The following GRIN2B variants were observed in gnomAD, a reference collection of about 807,000 sequenced individuals.
GRIN2B encodes glutamate ionotropic receptor NMDA type subunit 2B.
A neutral mutation model predicts 114.5 loss-of-function variants in GRIN2B; 5 were observed. The ratio of observed to expected loss-of-function variants is 0.04; its 90% CI spans 0.02 to 0.09. The LOEUF is 0.09. Ranked by LOEUF, GRIN2B falls within the 10% of genes least tolerant of loss-of-function variation. GRIN2B has a pLI of 1.00. For missense variants in GRIN2B, 1,108 were observed against 1,943.5 expected (o/e 0.57, Z 8.08); for synonymous variants, 787 against 745.1 (o/e 1.06, Z -0.92).
intron 3 of GRIN2B, among the ~76,000 whole-genome samples, chr12:13,856,140 G>C (rs142091240): frequency 2.0e-5 from 3 of 152,296 alleles, no homozygotes; most frequent in East Asian, 3.9e-4. Flanking sequence ...CTATAAAGTG[G>C]ACAAGGGGTG....
intron 2 of GRIN2B, among the ~76,000 whole-genome samples, chr12:13,933,204 T>C (rs1220274329): frequency 1.3e-5 from 2 of 152,164 alleles, no homozygotes; most frequent in African/African-American, 2.4e-5. Flanking sequence ...CCACCACCTC[T>C]GCAAATAGTA....
In GRIN2B at chr12:13,629,842, C is replaced by A. The variant is rs143202614; in HGVS notation, c.1126-13185G>T. 6.0e-3 allele frequency among the ~76,000 whole-genome samples: 909 copies of A among 152,274 alleles called. 11 individuals carry two copies. The highest frequency in any genetic ancestry group is 0.02 in the African/African-American group (848 of 41,566). On this transcript the variant is annotated intron_variant, in intron 5 of 13. Coordinates refer to ENST00000609686, the MANE Select transcript of GRIN2B (RefSeq NM_000834.5). ...TCCTCTATTTTAAACCCCTGGTCTT[C>A]TGAATGACACAGCTCTTCCCTTAGG...
At chr12:13,814,358 GGA>G (rs1565547720) in intron 3 of GRIN2B, among the ~76,000 whole-genome samples, 1 of 152,244 alleles carries the variant, frequency 6.6e-6, no homozygotes, top group Non-Finnish European at 1.5e-5. Context: ...GACCAGCAAA[GGA>G]GAGAGTCGTT....
At chr12:13,889,826 A>C (rs1866227829) in intron 2 of GRIN2B, among the ~76,000 whole-genome samples, 1 of 152,224 alleles carries the variant, frequency 6.6e-6, no homozygotes. Flanking sequence ...AGTAGATCTG[A>C]GCCCAGGAAG....
intron 4 of GRIN2B, among the ~76,000 whole-genome samples, chr12:13,685,624 T>C (rs1950169579): frequency 6.6e-6 from 1 of 152,104 alleles, no homozygotes; most frequent in Non-Finnish European, 1.5e-5. Context: ...TCATGCTATG[T>C]ATGTGAGACA....
Position 13,973,568 on chromosome 12 carries a change from G to A in GRIN2B, c.-19+6360C>T, listed in dbSNP as rs560050353. Among the ~76,000 whole-genome samples, 32 of 152,156 alleles carry A rather than the reference G, an allele frequency of 2.1e-4. No homozygotes were observed. The South Asian group carries it at 4.4e-3, about 21-fold the overall frequency. On this transcript the variant is annotated intron_variant, in intron 2 of 13. Coordinates refer to ENST00000609686, the MANE Select transcript of GRIN2B (RefSeq NM_000834.5). ...GAGCTGGCCCTGCTTCCCCTCCACC[G>A]CCTTCTCAGGGACCCTGGGCACAGC... is the stretch of plus-strand genomic sequence containing the variant.
intron 2 of GRIN2B, among the ~76,000 whole-genome samples, chr12:13,892,773 T>A (rs183268011): frequency 2.7e-3 from 405 of 152,304 alleles, no homozygotes; most frequent in African/African-American, 9.3e-3. Flanking sequence ...GCAGCCCACA[T>A]AAATCACATC....
chr12:13,935,463 C>T (rs1020185030), intron 2 of GRIN2B, among the ~76,000 whole-genome samples: 10 of 152,170 alleles, frequency 6.6e-5, no homozygotes, highest in East Asian at 1.9e-4. Context: ...CCTCCCAGAG[C>T]GCTGACTATT....
At chr12:13,689,694 C>T (rs1591677686) in intron 4 of GRIN2B, among the ~76,000 whole-genome samples, 5 of 152,260 alleles carry the variant, frequency 3.3e-5, no homozygotes, top group East Asian at 3.9e-4. Context: ...CCAATGGCTC[C>T]GCACTGCCTA....
chr12:13,702,135 C>A (rs1028860989), intron 4 of GRIN2B, among the ~76,000 whole-genome samples: 1 of 152,120 alleles, frequency 6.6e-6, no homozygotes, highest in Non-Finnish European at 1.5e-5. Flanking sequence ...ATTGTTCTTC[C>A]ATTATCATTC....
chr12:13,907,973 C>T (rs1866570808), intron 2 of GRIN2B, among the ~76,000 whole-genome samples: 1 of 152,072 alleles, frequency 6.6e-6, no homozygotes, highest in Non-Finnish European at 1.5e-5. Context: ...ATTTTAAAAT[C>T]CTAAAACTGC....
intron 5 of GRIN2B, among the ~76,000 whole-genome samples, chr12:13,658,156 G>A (rs933593697): frequency 2.6e-5 from 4 of 151,322 alleles, no homozygotes; most frequent in Non-Finnish European, 4.4e-5. Context: ...GCGGTGAGCC[G>A]AGATTGTGCC....
intron 2 of GRIN2B, among the ~76,000 whole-genome samples, chr12:13,882,124 G>A (rs1415576744): frequency 2.6e-5 from 4 of 152,124 alleles, no homozygotes; most frequent in Admixed American, 6.5e-5. Context: ...AAGAAATAAC[G>A]CAGAGATAAA....
chr12:13,973,967 C>T lies in GRIN2B; in HGVS notation c.-19+5961G>A, dbSNP rs1481984160. Among the ~76,000 whole-genome samples the T allele has an allele frequency of 3.3e-5, 5 of 152,158 alleles. No homozygotes were observed. In the East Asian group the frequency reaches 9.6e-4, roughly 29 times the overall value. On this transcript the variant is annotated intron_variant, in intron 2 of 13. Transcript: ENST00000609686. ...CAGCATCTCCACACCTGGACATCCC[C>T]AGGAGTAAAAACCTCTAAAATATCA...
chr12:13,847,514 T>G (rs1865490248), intron 3 of GRIN2B, among the ~76,000 whole-genome samples: 1 of 152,042 alleles, frequency 6.6e-6, no homozygotes, highest in African/African-American at 2.4e-5. Flanking sequence ...GGTCCAAAGG[T>G]AGGCTACAGA....
intron 3 of GRIN2B, among the ~76,000 whole-genome samples, chr12:13,865,122 A>G (rs1171681637): frequency 6.6e-6 from 1 of 152,178 alleles, no homozygotes; most frequent in Admixed American, 6.5e-5. Flanking sequence ...TTTTCTTTTT[A>G]TAGTCTTGAA....
Position 13,564,779 on chromosome 12 carries a change from T to C in GRIN2B, c.2599-140A>G, listed in dbSNP as rs573712372. 30 of 841,052 alleles carry C rather than the reference T, an allele frequency of 3.6e-5. No homozygotes were observed. The African/African-American group carries it at 4.8e-4, about 14-fold the overall frequency. The allele number at this position is 841,052 out of a possible 1,614,324, so 52.1% of individuals were successfully genotyped here. Reference sequence around the variant, plus strand: ...GCGAATAGTCTAATATACTATTAGATGTGGCTAGAAGTTTGCCTAATTTAT... The same window carrying C: ...GCGAATAGTCTAATATACTATTAGACGTGGCTAGAAGTTTGCCTAATTTAT... On this transcript the variant is annotated intron_variant, in intron 13 of 13. Transcript: ENST00000609686. The surrounding 1 kb of genome is among the most constrained non-coding windows in gnomAD (Gnocchi z 4.8).
chr12:13,784,345 G>A (rs1230015787), intron 3 of GRIN2B, among the ~76,000 whole-genome samples: 1 of 150,918 alleles, frequency 6.6e-6, no homozygotes, highest in Admixed American at 6.6e-5. Flanking sequence ...ACCTAGAGGA[G>A]TGACTAAAAT....
chr12:13,677,979 T>C (rs1271426078), intron 4 of GRIN2B, among the ~76,000 whole-genome samples: 1 of 152,170 alleles, frequency 6.6e-6, no homozygotes, highest in African/African-American at 2.4e-5. Context: ...TGTTATTGTA[T>C]GGCAGATGCA....
Sources: allele counts gnomAD v4.1 joint callset (sites outside exome capture counted in the v4.1 genomes callset), GRCh38; gene constraint gnomAD v4.1.1; non-coding constraint Gnocchi (gnomAD v3.1); transcripts MANE v1.5; gene names NCBI Gene and HGNC (gene_info 2026-07-23, HGNC 2026-07-21).